HECW1: variants seen among roughly 807,000 people sequenced by gnomAD.
The protein encoded by HECW1 is HECT, C2 and WW domain containing E3 ubiquitin protein ligase 1.
A neutral mutation model predicts 182.3 loss-of-function variants in HECW1; 61 were observed. The observed-to-expected ratio is 0.33, with a 90% CI of 0.27 to 0.41. The LOEUF (loss-of-function observed/expected upper bound fraction) is 0.41, where lower values mean the gene tolerates loss of function less well. Ranked by LOEUF, HECW1 falls within the 10% of genes least tolerant of loss-of-function variation. HECW1 has a pLI of 1.00. For synonymous variants in HECW1, 859 were observed against 832.6 expected (o/e 1.03, Z -0.55); for missense variants, 1,739 against 2,108.9 (o/e 0.82, Z 3.44).
chr7:43,308,087 A>C (rs1397018015), intron 3 of HECW1, among the ~76,000 whole-genome samples: 26 of 108,090 alleles, frequency 2.4e-4, no homozygotes, highest in African/African-American at 1.0e-3. Context: ...AATATATTAT[A>C]TATTATATAT....
chr7:43,264,769 A>G (rs574256234), intron 3 of HECW1, among the ~76,000 whole-genome samples: 17 of 150,630 alleles, frequency 1.1e-4, no homozygotes, highest in South Asian at 4.2e-4. Context: ...GCGTGAACCC[A>G]GGAGGCGGAG....
chr7:43,442,539 G>A lies in HECW1; in HGVS notation c.955G>A (p.Val319Ile). 2.5e-6 allele frequency: 4 copies of A among 1,612,682 alleles called. No individual in the cohort carries two copies. Among genetic ancestry groups the A allele is most frequent in the Admixed American group, 1.7e-5 (1 of 59,988 alleles). The change falls in exon 10 of 30, where the codon GTC becomes ATC. Residue 319 changes from valine (V) to isoleucine (I), a missense_variant. By Grantham distance (29) the Val-to-Ile change is conservative. Coordinates refer to ENST00000395891, the MANE Select transcript of HECW1 (RefSeq NM_015052.5). ...CTTATTTCCTTCTAGGGATAGGGTGGTCAGCTACACACTTGGCCGCAGGCT... is the reference window on the plus strand; with the variant it reads ...CTTATTTCCTTCTAGGGATAGGGTGATCAGCTACACACTTGGCCGCAGGCT... ...LERHAIGDRV[V>I]SYTLGRRLPT... is the part of the protein sequence containing the mutation.
At chr7:43,431,380 T>C (rs1009817434) in intron 8 of HECW1, among the ~76,000 whole-genome samples, 1 of 152,168 alleles carries the variant, frequency 6.6e-6, no homozygotes, top group Admixed American at 6.5e-5. Flanking sequence ...TCCTCCCACA[T>C]GCCCTCAATC....
rs1002223591 is a variant in HECW1, at chr7:43,445,175, A to T, written c.2003A>T (p.His668Leu). The T allele has an allele frequency of 1.2e-6, 2 of 1,611,614 alleles. No homozygotes were observed. Among genetic ancestry groups the T allele is most frequent in the Non-Finnish European group, 1.7e-6 (2 of 1,178,876 alleles). The change falls in exon 11 of 30, where the codon CAC (histidine) becomes CTC (leucine). Residue 668 changes from histidine to leucine, a missense_variant. Coordinates refer to ENST00000395891, the MANE Select transcript of HECW1 (RefSeq NM_015052.5). ...TCCAGCCCCAGGCAAGGCGGGGACC[A>T]CAGTTGCGAGGGCTGTGACGCGTCC... ...SDSSPRQGGD[H>L]SCEGCDASCC...
In HECW1 at chr7:43,360,921, G is replaced by A. The variant is rs375316956; in HGVS notation, c.496G>A (p.Val166Met). 1.2e-6 allele frequency: 2 copies of A among 1,614,108 alleles called. No individual in the cohort carries two copies. Among genetic ancestry groups the A allele is most frequent in the African/African-American group, 1.3e-5 (1 of 75,020 alleles). ...GATCTGCTTCAAATACTACCATGGAGTGAGTGGGGCCCTGCGAGCAACCAC... is the reference window on the plus strand; with the variant it reads ...GATCTGCTTCAAATACTACCATGGAATGAGTGGGGCCCTGCGAGCAACCAC... ...TKICFKYYHG[V>M]SGALRATTPS... is the part of the protein sequence containing the mutation. Residue 166 changes from valine to methionine, a missense_variant, in exon 6 of 30, where the codon GTG (valine) becomes ATG (methionine). Val to Met is a conservative substitution (Grantham distance 21, BLOSUM62 1). Coordinates refer to ENST00000395891, the MANE Select transcript of HECW1 (RefSeq NM_015052.5).
chr7:43,460,116 A>G (rs34526729), intron 13 of HECW1, among the ~76,000 whole-genome samples: 25,142 of 152,230 alleles, frequency 0.17, 2,283 homozygotes, highest in Middle Eastern at 0.3. Context: ...GCTAAATACT[A>G]AGATTGCCTT....
chr7:43,323,124 A>G (rs2152782988), intron 5 of HECW1, among the ~76,000 whole-genome samples: 1 of 152,256 alleles, frequency 6.6e-6, no homozygotes, highest in East Asian at 1.9e-4. Flanking sequence ...GGCCCAACAC[A>G]CCAAAAAATG....
At chr7:43,523,019 T>C (rs1260789831) in intron 24 of HECW1, 2 of 447,198 alleles carry the variant, frequency 4.5e-6, no homozygotes, top group African/African-American at 2.0e-5. Context: ...TTTGTTTGTT[T>C]TGAGATGGAA....
chr7:43,215,061 T>G (rs1224299667), intron 2 of HECW1, among the ~76,000 whole-genome samples: 2 of 152,236 alleles, frequency 1.3e-5, no homozygotes, highest in Non-Finnish European at 2.9e-5. Context: ...TGGGTTTGCT[T>G]TGTTCTTTTT....
At chr7:43,481,821 A>G (rs1001256907) in intron 17 of HECW1, among the ~76,000 whole-genome samples, 1 of 151,888 alleles carries the variant, frequency 6.6e-6, no homozygotes, top group Non-Finnish European at 1.5e-5. Context: ...CATCTCTACT[A>G]AAATAATACA....
chr7:43,416,329 G>C (rs2075994650), intron 8 of HECW1, among the ~76,000 whole-genome samples: 2 of 151,324 alleles, frequency 1.3e-5, no homozygotes, highest in African/African-American at 4.9e-5. Context: ...GTGCCTCCCA[G>C]TTAGGCTGCT....
intron 6 of HECW1, among the ~76,000 whole-genome samples, chr7:43,378,971 G>C (rs12702039): frequency 0.036 from 5,463 of 150,612 alleles, 113 homozygotes; most frequent in Middle Eastern, 0.041. Flanking sequence ...ATAGAACATG[G>C]GGTGGTTATT....
chr7:43,431,697 G>T (rs1175448478), intron 8 of HECW1, among the ~76,000 whole-genome samples: 1 of 152,142 alleles, frequency 6.6e-6, no homozygotes, highest in Non-Finnish European at 1.5e-5. Flanking sequence ...GGCTGTTCAT[G>T]ATCTGGATTC....
chr7:43,274,225 A>G, intron 3 of HECW1: 1 of 590,840 alleles, frequency 1.7e-6, no homozygotes, highest in Admixed American at 2.9e-5. Context: ...CCCAAATGCC[A>G]CACACTGCCC....
chr7:43,559,655 G>A (rs12702050), intron 29 of HECW1, among the ~76,000 whole-genome samples: 46,047 of 151,870 alleles, frequency 0.3, 7,199 homozygotes, highest in East Asian at 0.41. Flanking sequence ...ACCGGGGTCA[G>A]CATAGAAGTC....
At position 43,450,909 on chromosome 7, in the gene HECW1, T is replaced by G; in HGVS notation, c.2480T>G (p.Ile827Ser). The G allele has an allele frequency of 6.2e-7, 1 of 1,610,648 alleles. No individual in the cohort carries two copies. The highest frequency in any genetic ancestry group is 8.5e-7 in the Non-Finnish European group (1 of 1,176,954). ...CCTGAACATCATCACTACCCAACAATCGATGAGCCTCTTCCACCAAGTAAG... is the reference window on the plus strand; with the variant it reads ...CCTGAACATCATCACTACCCAACAAGCGATGAGCCTCTTCCACCAAGTAAG... Reference protein sequence around the residue: ...LRPEHHHYPTIDEPLPPNWEA... With the variant: ...LRPEHHHYPTSDEPLPPNWEA... Residue 827 changes from isoleucine to serine, a missense_variant, in exon 12 of 30, where the codon ATC (isoleucine) becomes AGC (serine). This residue lies in a region of HECW1 where 971 missense variants were observed against 1,029.1 expected (regional missense o/e 0.94). Transcript: ENST00000395891.
intron 2 of HECW1, among the ~76,000 whole-genome samples, chr7:43,133,072 G>GT (rs1192541298): frequency 3.3e-5 from 5 of 151,932 alleles, no homozygotes; most frequent in African/African-American, 9.7e-5. Context: ...TAACTAGTGC[G>GT]TTTTTTCCTT....
At chr7:43,150,654 C>T (rs531918388) in intron 2 of HECW1, among the ~76,000 whole-genome samples, 31 of 152,326 alleles carry the variant, frequency 2.0e-4, no homozygotes, top group African/African-American at 7.0e-4. Context: ...GCTGGGATTA[C>T]AGGCATGAGC....
rs935861635 is a variant in HECW1 at position 43,425,144 on chromosome 7, T to A, written c.802-12859T>A. ...AAGCCATAAAGCCATAGCAATGGAG[T>A]TGCAACAAGCTTTCAAGCCCAGCTA... On this transcript the variant is annotated intron_variant, in intron 8 of 29. Coordinates refer to ENST00000395891, the MANE Select transcript of HECW1 (RefSeq NM_015052.5). Among the ~76,000 whole-genome samples the A allele has an allele frequency of 2.6e-5, 4 of 151,674 alleles. No homozygotes were observed. The South Asian group carries it at 8.4e-4, about 32-fold the overall frequency.
Sources: gnomAD v4.1 joint callset for allele counts (sites outside exome capture counted in the v4.1 genomes callset) on GRCh38, gnomAD v4.1.1 for gene constraint, gnomAD v4.1.1 regional missense constraint, MANE v1.5 for transcripts, NCBI Gene and HGNC (gene_info 2026-07-23, HGNC 2026-07-21) for gene names.